The following MRNIP variants were observed in gnomAD, a reference collection of about 807,000 sequenced individuals.
MRNIP encodes the protein MRN complex interacting protein.
A neutral mutation model predicts 29.8 loss-of-function variants in MRNIP; 30 were observed. The observed-to-expected ratio is 1.01, with a 90% CI of 0.75 to 1.36. The LOEUF (loss-of-function observed/expected upper bound fraction) is 1.36, where lower values mean the gene tolerates loss of function less well. MRNIP is among the 40% of genes most tolerant of loss of function. The pLI is 0.00. For synonymous variants in MRNIP, 201 were observed against 164.1 expected (o/e 1.23, Z -1.72); for missense variants, 459 against 423.5 (o/e 1.08, Z -0.74).
At chr5:179,852,264 T>C (rs758681468) in intron 2 of MRNIP, among the ~76,000 whole-genome samples, 1 of 149,618 alleles carries the variant, frequency 6.7e-6, no homozygotes, top group Non-Finnish European at 1.5e-5. Context: ...CCAGCCTGCA[T>C]GACAGAGAGA....
rs201824663 is a variant in MRNIP at position 179,837,886 on chromosome 5, C to T, written c.538-1G>A. ...CCTTCCATGTCAGGCCAGCCTGTCC[C>T]TGAAAGAGAAGATGGCCATGCCCTC... On this transcript the variant is annotated splice_acceptor_variant, in intron 6 of 6. Coordinates refer to ENST00000292586, the MANE Select transcript of MRNIP (RefSeq NM_016175.4). LOFTEE classifies it high-confidence loss of function. The T allele has an allele frequency of 3.1e-6, 5 of 1,601,756 alleles. No individual in the cohort carries two copies. The highest frequency in any genetic ancestry group is 3.4e-6 in the Non-Finnish European group (4 of 1,178,118).
At chr5:179,841,736 C>A in intron 5 of MRNIP, 171 bp downstream of exon 5, 2 of 691,212 alleles carry the variant, frequency 2.9e-6, no homozygotes, top group Non-Finnish European at 4.9e-6. Flanking sequence ...GCCCAATGCC[C>A]AGGTGGGCTG....
In MRNIP at chr5:179,848,082, A is replaced by G. The variant is rs1422215778; in HGVS notation, c.127-16T>C. 1 of 1,590,528 alleles carries G rather than the reference A, an allele frequency of 6.3e-7. No homozygotes were observed. The highest frequency in any genetic ancestry group is 8.6e-7 in the Non-Finnish European group (1 of 1,158,534). Reference sequence around the variant, plus strand: ...CACCATAAGCCTGAGAAACCAAAAAATATATTACATTGAAAAAGTGCTGGC... The same window carrying G: ...CACCATAAGCCTGAGAAACCAAAAAGTATATTACATTGAAAAAGTGCTGGC... On this transcript the variant is annotated splice_polypyrimidine_tract_variant and intron_variant, in intron 2 of 6. Transcript: ENST00000292586.
chr5:179,838,378 C>CT (rs1293243987), intron 6 of MRNIP: 1 of 169,768 alleles, frequency 5.9e-6, no homozygotes, highest in East Asian at 1.5e-4. Flanking sequence ...CAAAGATGCT[C>CT]TGAAAGTTGG....
chr5:179,846,572 C>T (rs886817515), intron 3 of MRNIP, among the ~76,000 whole-genome samples: 3 of 152,142 alleles, frequency 2.0e-5, no homozygotes, highest in African/African-American at 7.2e-5. Context: ...TGAGCCACCA[C>T]ACCCGGCCTC....
chr5:179,857,438 C>A (rs1759639221), intron 1 of MRNIP, among the ~76,000 whole-genome samples: 2 of 150,972 alleles, frequency 1.3e-5, no homozygotes, highest in South Asian at 2.1e-4. Flanking sequence ...TCCAGCCTGG[C>A]GACAGAGTGA....
chr5:179,837,969 C>T (rs1475046477), intron 6 of MRNIP, 84 bp from the exon 7 acceptor site: 33 of 1,340,608 alleles, frequency 2.5e-5, no homozygotes, highest in Non-Finnish European at 3.2e-5. Context: ...TGGGCCTTGG[C>T]TGGGCCTCTG....
At position 179,843,045 on chromosome 5, in the gene MRNIP, G is replaced by A. The variant is rs866689883; in HGVS notation, c.292-981C>T. 7.3e-5 allele frequency among the ~76,000 whole-genome samples: 8 copies of A among 109,822 alleles called. No individual in the cohort carries two copies. The East Asian group carries it at 1.1e-3, about 15-fold the overall frequency. 72.0% of individuals were successfully genotyped at this position (109,822 alleles called of 152,430 possible). On this transcript the variant is annotated intron_variant, in intron 4 of 6. Coordinates refer to ENST00000292586, the MANE Select transcript of MRNIP (RefSeq NM_016175.4). ...AGACTCTGTCGAAAGGAGGAAAGAAGGAAGGAAGGAAGGAAGGGAGGGAGG... is the reference window on the plus strand; with the variant it reads ...AGACTCTGTCGAAAGGAGGAAAGAAAGAAGGAAGGAAGGAAGGGAGGGAGG...
chr5:179,854,430 A>C (rs1032315890), intron 1 of MRNIP, among the ~76,000 whole-genome samples: 2 of 152,224 alleles, frequency 1.3e-5, no homozygotes, highest in Non-Finnish European at 2.9e-5. Flanking sequence ...AAAGTGAGAA[A>C]AGAACAGACT....
chr5:179,842,977 G>A (rs535989765), intron 4 of MRNIP, among the ~76,000 whole-genome samples: 4 of 147,570 alleles, frequency 2.7e-5, no homozygotes, highest in South Asian at 2.1e-4. Context: ...AAGTTGCAGT[G>A]AGCTGAGATC....
intron 1 of MRNIP, 89 bp downstream of exon 1, chr5:179,858,640 GGA>G: frequency 1.2e-6 from 1 of 838,348 alleles, no homozygotes; most frequent in Non-Finnish European, 1.8e-6. Context: ...GGTGCATCCC[GGA>G]GCCATTCGAG....
At chr5:179,849,217 T>C (rs1561620311) in intron 2 of MRNIP, among the ~76,000 whole-genome samples, 1 of 143,986 alleles carries the variant, frequency 6.9e-6, no homozygotes, top group African/African-American at 2.7e-5. Flanking sequence ...TTTGAGACCA[T>C]GGGTCCTGCT....
intron 2 of MRNIP, among the ~76,000 whole-genome samples, chr5:179,850,804 G>A (rs1759335865): frequency 6.6e-6 from 1 of 152,160 alleles, no homozygotes; most frequent in South Asian, 2.1e-4. Context: ...TGTGGTCAGG[G>A]GTGGCCACGA....
rs1270392252 is a variant in MRNIP at position 179,841,955 on chromosome 5, T to C, written c.401A>G (p.Lys134Arg). The change falls in exon 5 of 7, where the codon AAA (lysine) becomes AGA (arginine). Residue 134 changes from lysine (K) to arginine (R), a missense_variant. Transcript: ENST00000292586. ...GAAGCGGGGGCCTGGCTCCTCCATT[T>C]TGGATGAAGGCTGTTTGCTGAAACA... is the stretch of plus-strand genomic sequence containing the variant. ...GVCFSKQPSS[K>R]MEEPGPRFSQ... 1 of 1,614,134 alleles carries C rather than the reference T, an allele frequency of 6.2e-7. No homozygotes were observed. The highest frequency in any genetic ancestry group is 1.7e-5 in the Admixed American group (1 of 60,010).
intron 6 of MRNIP, 51 bp from the exon 7 acceptor site, chr5:179,837,936 C>G: frequency 6.5e-7 from 1 of 1,548,448 alleles, no homozygotes; most frequent in Non-Finnish European, 8.7e-7. Context: ...ATGCCAGGGC[C>G]CAGGAGGACC....
At chr5:179,839,859 C>G (rs6897107) in intron 6 of MRNIP, 9,298 of 152,354 alleles carry the variant, frequency 0.061, 495 homozygotes, top group African/African-American at 0.14. Flanking sequence ...ATGGGCCAGG[C>G]GCAGTGGCCC....
At chr5:179,850,000 G>C (rs1759295030) in intron 2 of MRNIP, among the ~76,000 whole-genome samples, 1 of 151,498 alleles carries the variant, frequency 6.6e-6, no homozygotes, top group Admixed American at 6.6e-5. Flanking sequence ...GATGGTACGA[G>C]ACGGAATTTG....
chr5:179,839,543 C>T (rs1758776115), intron 6 of MRNIP: 3 of 152,272 alleles, frequency 2.0e-5, no homozygotes, highest in Admixed American at 2.0e-4. Context: ...ACTCTCTGGT[C>T]ATTCTTCTAG....
At position 179,837,411 on chromosome 5, in the gene MRNIP, C is replaced by A; in HGVS notation, c.1012G>T (p.Asp338Tyr). The A allele has an allele frequency of 6.3e-7, 1 of 1,595,508 alleles. No homozygotes were observed. ...CCAGATCACACATCATCATCGAAGT[C>A]TTCCCCAGTTATAAAGAGGTCACAT... ...RLCDLFITGE[D>Y]FDDDV Residue 338 changes from aspartate (D) to tyrosine (Y), a missense_variant, in exon 7 of 7, where the codon GAC becomes TAC. By Grantham distance (160) the Asp-to-Tyr change is radical. Coordinates refer to ENST00000292586, the MANE Select transcript of MRNIP (RefSeq NM_016175.4).
Sources: gnomAD v4.1 joint callset for allele counts (sites outside exome capture counted in the v4.1 genomes callset) on GRCh38, gnomAD v4.1.1 for gene constraint, MANE v1.5 for transcripts, NCBI Gene and HGNC (gene_info 2026-07-23, HGNC 2026-07-21) for gene names.